The following STK17B variants were observed in gnomAD, a reference collection of about 807,000 sequenced individuals.
STK17B encodes serine/threonine-protein kinase 17B.
STK17B carries 21 observed loss-of-function variants against 42.0 expected under a neutral mutation model. That is an observed-to-expected ratio of 0.50 (90% CI 0.35 to 0.72). STK17B has a LOEUF of 0.72. STK17B is among the 30% of genes least tolerant of loss of function. The pLI, the probability that STK17B is intolerant of heterozygous loss-of-function variation, is 0.00. For synonymous variants in STK17B, 143 were observed against 148.4 expected (o/e 0.96, Z 0.26); for missense variants, 349 against 446.0 (o/e 0.78, Z 1.96).
intron 4 of STK17B, among the ~76,000 whole-genome samples, chr2:196,144,135 C>CAAG (rs1400242427): frequency 6.7e-6 from 1 of 149,444 alleles, no homozygotes; most frequent in East Asian, 2.0e-4. Context: ...CTCAGGAGTT[C>CAAG]AAGAGTAGCC....
At chr2:196,172,253 G>A (rs897698332), upstream of STK17B, among the ~76,000 whole-genome samples, 1 of 142,150 alleles carries the variant, frequency 7.0e-6, no homozygotes, top group African/African-American at 2.7e-5. Context: ...TGCATTTATA[G>A]TGCTAAGGAA....
At chr2:196,157,637 A>G (rs1181168982) in intron 2 of STK17B, among the ~76,000 whole-genome samples, 1 of 152,192 alleles carries the variant, frequency 6.6e-6, no homozygotes, top group Non-Finnish European at 1.5e-5. Flanking sequence ...ATGATAAACT[A>G]AGAAAATAAT....
intron 2 of STK17B, among the ~76,000 whole-genome samples, chr2:196,159,331 A>G (rs1699782176): frequency 7.0e-6 from 1 of 142,252 alleles, no homozygotes; most frequent in South Asian, 2.2e-4. Flanking sequence ...TTTTTTTGAG[A>G]CAGGGTCTCG....
chr2:196,168,841 A>G (rs2105716814), intron 1 of STK17B, among the ~76,000 whole-genome samples: 1 of 152,348 alleles, frequency 6.6e-6, no homozygotes, highest in South Asian at 2.1e-4. Context: ...ATAACAGCCC[A>G]GCATAGAATA....
At chr2:196,161,420 C>T (rs1231895935) in intron 2 of STK17B, among the ~76,000 whole-genome samples, 1 of 151,482 alleles carries the variant, frequency 6.6e-6, no homozygotes, top group East Asian at 1.9e-4. Context: ...ATTAAAACAC[C>T]CAAATATTTT....
At chr2:196,137,953 T>C (rs1699431779) in intron 7 of STK17B, among the ~76,000 whole-genome samples, 1 of 152,228 alleles carries the variant, frequency 6.6e-6, no homozygotes, top group Non-Finnish European at 1.5e-5. Flanking sequence ...TCAAATACAT[T>C]ATTTAACAAT....
upstream of STK17B, among the ~76,000 whole-genome samples, chr2:196,171,780 C>CGGCGGCGT (rs1328374950): frequency 1.6e-5 from 2 of 121,616 alleles, no homozygotes; most frequent in Admixed American, 1.7e-4. Flanking sequence ...CGGGGAGGCG[C>CGGCGGCGT]GGCGGCGTGG....
In STK17B at chr2:196,137,319, C is replaced by A. The variant is rs993185391; in HGVS notation, c.*128G>T. The A allele has an allele frequency of 6.0e-6, 6 of 1,006,426 alleles. No homozygotes were observed. In the African/African-American group the frequency reaches 9.8e-5, roughly 16 times the overall value. The allele number at this position is 1,006,426 out of a possible 1,614,324, so 62.3% of individuals were successfully genotyped here. On this transcript the variant is annotated 3_prime_UTR_variant, in exon 8 of 8. Coordinates refer to ENST00000263955, the MANE Select transcript of STK17B (RefSeq NM_004226.4). ...CTAGTAATTTAACATTAAAACACTT[C>A]CCTAAATTATTCCATGGAAAAGTGC...
chr2:196,137,589 G>C lies in STK17B; in HGVS notation c.977C>G (p.Ser326Cys), dbSNP rs759955994. 1.9e-6 allele frequency: 3 copies of C among 1,614,126 alleles called. No homozygotes were observed. In the Admixed American group the frequency reaches 5.0e-5, roughly 27 times the overall value. Residue 326 changes from serine (S) to cysteine (C), a missense_variant, in exon 8 of 8, where the codon TCT (serine) becomes TGT (cysteine). Around this residue, in one of 3 missense-constraint regions of STK17B, gnomAD observed 87 missense variants for 78.8 expected, o/e 1.10. Transcript: ENST00000263955. ...ACAGGTTCCATTACAGGAGGATTTA[G>C]AAGTCTTGTCTTCAGAGGACCTTAC... ...HSVRSSEDKTSKSSCNGTCGD... is the reference protein window; with the variant it reads ...HSVRSSEDKTCKSSCNGTCGD...
chr2:196,166,881 A>G (rs1699880492), intron 1 of STK17B, among the ~76,000 whole-genome samples: 1 of 152,250 alleles, frequency 6.6e-6, no homozygotes, highest in South Asian at 2.1e-4. Flanking sequence ...AAAATAGAAT[A>G]TACAATAATA....
At chr2:196,160,344 A>C (rs868197769) in intron 2 of STK17B, among the ~76,000 whole-genome samples, 1 of 152,194 alleles carries the variant, frequency 6.6e-6, no homozygotes, top group African/African-American at 2.4e-5. Flanking sequence ...CCTTTGCCTC[A>C]GTTGGGGGAG....
rs1699382917 is a variant in STK17B at position 196,135,358 on chromosome 2, T to C, written c.*2089A>G. The C allele has an allele frequency of 6.6e-6, 1 of 152,198 alleles. No individual in the cohort carries two copies. Among genetic ancestry groups the C allele is most frequent in the Non-Finnish European group, 1.5e-5 (1 of 68,038 alleles). 9.4% of individuals were successfully genotyped at this position (152,198 alleles called of 1,614,324 possible). On this transcript the variant is annotated 3_prime_UTR_variant, in exon 8 of 8. Transcript: ENST00000263955. ...TCATCAGTTTTAGATATACAAGGGC[T>C]CAATTTAGATTATACAACGTCTAGT...
rs959980386 is a variant in STK17B, at chr2:196,133,847, G to A, written c.*3600C>T. 1 of 152,120 alleles carries A rather than the reference G, an allele frequency of 6.6e-6. No individual in the cohort carries two copies. The highest frequency in any genetic ancestry group is 2.4e-5 in the African/African-American group (1 of 41,418). 9.4% of individuals were successfully genotyped at this position (152,120 alleles called of 1,614,324 possible). On this transcript the variant is annotated 3_prime_UTR_variant, in exon 8 of 8. Coordinates refer to ENST00000263955, the MANE Select transcript of STK17B (RefSeq NM_004226.4). Reference sequence around the variant, plus strand: ...ATTTAATAAAATATGGCAGGAAGTTGTAATTTATGGAAAATTTACAATTAT... The same window carrying A: ...ATTTAATAAAATATGGCAGGAAGTTATAATTTATGGAAAATTTACAATTAT...
In STK17B at chr2:196,148,671, G is replaced by A. The variant is rs572960222; in HGVS notation, c.336-2616C>T. On this transcript the variant is annotated intron_variant, in intron 3 of 7. Coordinates refer to ENST00000263955, the MANE Select transcript of STK17B (RefSeq NM_004226.4). ...CCCTAAATATATAAAAAATAGATGTGTATTCTTCATTTGTACAGCAACATA... is the reference window on the plus strand; with the variant it reads ...CCCTAAATATATAAAAAATAGATGTATATTCTTCATTTGTACAGCAACATA... Among the ~76,000 whole-genome samples, 8 of 152,148 alleles carry A rather than the reference G, an allele frequency of 5.3e-5. No homozygotes were observed. The East Asian group carries it at 1.2e-3, about 22-fold the overall frequency.
At chr2:196,170,034 T>C (rs188748514) in intron 1 of STK17B, among the ~76,000 whole-genome samples, 23 of 152,324 alleles carry the variant, frequency 1.5e-4, no homozygotes, top group African/African-American at 4.8e-4. Context: ...TTTAAAACTT[T>C]TGCACCGCTT....
chr2:196,156,931 G>A (rs1050054950), intron 2 of STK17B, among the ~76,000 whole-genome samples: 6 of 152,120 alleles, frequency 3.9e-5, no homozygotes, highest in Non-Finnish European at 7.4e-5. Context: ...TTGGGAGGCC[G>A]AGGCAGGCAG....
chr2:196,134,978 G>C lies in STK17B; in HGVS notation c.*2469C>G, dbSNP rs905491275. On this transcript the variant is annotated 3_prime_UTR_variant, in exon 8 of 8. Transcript: ENST00000263955. ...ATTTAAATTCACACCTTTGTAAAAAGAGTGGATTTTTATATTCTTTGTGCA... is the reference window on the plus strand; with the variant it reads ...ATTTAAATTCACACCTTTGTAAAAACAGTGGATTTTTATATTCTTTGTGCA... The C allele has an allele frequency of 4.6e-5, 7 of 152,134 alleles. No homozygotes were observed. Among genetic ancestry groups the C allele is most frequent in the African/African-American group, 1.7e-4 (7 of 41,430 alleles). 9.4% of individuals were successfully genotyped at this position (152,134 alleles called of 1,614,324 possible). A position where few individuals can be genotyped will look rare whatever the true frequency, so the allele number is the denominator to read the frequency against.
intron 3 of STK17B, among the ~76,000 whole-genome samples, chr2:196,152,513 T>C (rs1405435381): frequency 3.3e-5 from 5 of 152,198 alleles, no homozygotes; most frequent in Admixed American, 6.5e-5. Flanking sequence ...CAATCATTCT[T>C]CTAGGAATTT....
upstream of STK17B, among the ~76,000 whole-genome samples, chr2:196,172,791 G>C (rs935096222): frequency 2.0e-5 from 3 of 152,092 alleles, no homozygotes; most frequent in Admixed American, 1.3e-4. Context: ...CTAACAATTG[G>C]GCTGACTAGA....
Sources: gnomAD v4.1 joint callset for allele counts (sites outside exome capture counted in the v4.1 genomes callset) on GRCh38, gnomAD v4.1.1 for gene constraint, gnomAD v4.1.1 regional missense constraint, MANE v1.5 for transcripts, NCBI Gene and HGNC (gene_info 2026-07-23, HGNC 2026-07-21) for gene names.